Variants in LDLRAD3 observed in about 807,000 individuals in gnomAD.
The protein encoded by LDLRAD3 is low density lipoprotein receptor class A domain containing 3.
In LDLRAD3, 20 loss-of-function variants were observed where a neutral mutation model predicts 29.4. The observed-to-expected ratio is 0.68, with a 90% CI of 0.48 to 0.99. LDLRAD3 has a LOEUF of 0.99. Among genes scored for constraint, LDLRAD3 ranks in the 50% least tolerant of loss-of-function variants. The pLI is 0.00. For synonymous variants in LDLRAD3, 157 were observed against 192.7 expected, an observed-to-expected ratio of 0.81 and a Z score of 1.53; for missense variants, 420 against 454.3, an observed-to-expected ratio of 0.92 and a Z score of 0.69.
chr11:36,191,119 A>T (rs1318471118), intron 4 of LDLRAD3, among the ~76,000 whole-genome samples: 1 of 152,164 alleles, frequency 6.6e-6, no homozygotes, highest in Non-Finnish European at 1.5e-5. Flanking sequence ...AGAGAGTGAA[A>T]AGGAGCCTCT....
intron 4 of LDLRAD3, among the ~76,000 whole-genome samples, chr11:36,158,602 A>C (rs771652493): frequency 9.5e-5 from 13 of 136,266 alleles, no homozygotes; most frequent in Non-Finnish European, 2.0e-4. Flanking sequence ...TATTATATCT[A>C]CTCTCTGTCT....
intron 4 of LDLRAD3, among the ~76,000 whole-genome samples, chr11:36,143,717 G>A (rs951694100): frequency 1.3e-5 from 2 of 152,182 alleles, no homozygotes; most frequent in Non-Finnish European, 2.9e-5. Context: ...AGCACAAGGT[G>A]TCAGCAGGTC....
chr11:36,227,902 G>T (rs1855523023), intron 5 of LDLRAD3, among the ~76,000 whole-genome samples: 1 of 152,196 alleles, frequency 6.6e-6, no homozygotes, highest in African/African-American at 2.4e-5. Context: ...TCAAATGAAT[G>T]GATAAATGAA....
chr11:36,126,740 T>A (rs1052839278), intron 4 of LDLRAD3, among the ~76,000 whole-genome samples: 1 of 152,232 alleles, frequency 6.6e-6, no homozygotes, highest in African/African-American at 2.4e-5. Flanking sequence ...TGTTATTTGG[T>A]ATGTCTGTGG....
Position 36,227,196 on chromosome 11 carries a change from T to G in LDLRAD3, c.566T>G (p.Leu189Arg). ...GTCATTTTTGTGCTGGTGGTGGCCC[T>G]GCTGGCACTGGTCTTGCACCACCAG... Reference protein sequence around the residue: ...SSVIFVLVVALLALVLHHQRK... With the variant: ...SSVIFVLVVARLALVLHHQRK... The change falls in exon 5 of 6, where the codon CTG becomes CGG. Residue 189 changes from leucine to arginine, a missense_variant. Leu to Arg is a moderately radical substitution (Grantham distance 102). Around this residue, in one of 3 missense-constraint regions of LDLRAD3, gnomAD observed 56 missense variants for 92.2 expected, o/e 0.61. Transcript: ENST00000315571. The G allele has an allele frequency of 6.2e-7, 1 of 1,614,200 alleles. No individual in the cohort carries two copies. Among genetic ancestry groups the G allele is most frequent in the Non-Finnish European group, 8.5e-7 (1 of 1,180,016 alleles).
chr11:36,177,243 T>C lies in LDLRAD3; in HGVS notation c.455-49842T>C, dbSNP rs529429064. 1.1e-3 allele frequency among the ~76,000 whole-genome samples: 160 copies of C among 152,306 alleles called. 1 individual carries two copies. The highest frequency in any genetic ancestry group is 3.8e-3 in the African/African-American group (156 of 41,570). The stretch of plus-strand genomic sequence containing the variant: ...TCCTATATTACTTTTTAAATTTCTT[T>C]AAATTGGTTTTCACCTTTCTCTGGT... On this transcript the variant is annotated intron_variant, in intron 4 of 5. Transcript: ENST00000315571.
chr11:35,995,036 A>G (rs1851736595), intron 1 of LDLRAD3, among the ~76,000 whole-genome samples: 2 of 152,198 alleles, frequency 1.3e-5, no homozygotes, highest in Non-Finnish European at 2.9e-5. Flanking sequence ...GTTTCCTCCA[A>G]ACTCCTGTTG....
At chr11:36,145,640 T>A (rs1046195060) in intron 4 of LDLRAD3, among the ~76,000 whole-genome samples, 10 of 151,632 alleles carry the variant, frequency 6.6e-5, no homozygotes, top group African/African-American at 1.9e-4. Flanking sequence ...CATGGGAGAC[T>A]TTTCATTTTG....
intron 4 of LDLRAD3, among the ~76,000 whole-genome samples, chr11:36,199,371 T>C (rs1172407665): frequency 6.6e-6 from 1 of 152,270 alleles, no homozygotes; most frequent in Non-Finnish European, 1.5e-5. Context: ...AAAAGTCACC[T>C]TTATAGAAGA....
At chr11:36,203,516 A>G (rs572223418) in intron 4 of LDLRAD3, among the ~76,000 whole-genome samples, 3 of 152,192 alleles carry the variant, frequency 2.0e-5, no homozygotes, top group East Asian at 1.9e-4. Flanking sequence ...ATGGGCACCC[A>G]TCCAACAGGT....
intron 2 of LDLRAD3, among the ~76,000 whole-genome samples, chr11:36,044,566 A>G (rs1450890111): frequency 6.6e-6 from 1 of 152,106 alleles, no homozygotes; most frequent in Non-Finnish European, 1.5e-5. Flanking sequence ...TCTTAGTTTG[A>G]GAGCCTGTGC....
At chr11:35,955,274 A>G (rs1407047108) in intron 1 of LDLRAD3, among the ~76,000 whole-genome samples, 2 of 152,176 alleles carry the variant, frequency 1.3e-5, no homozygotes, top group Non-Finnish European at 2.9e-5. Context: ...AAACAGTATT[A>G]AACACATGAA....
chr11:36,016,226 G>C (rs1038898136), intron 1 of LDLRAD3, among the ~76,000 whole-genome samples: 4 of 152,222 alleles, frequency 2.6e-5, no homozygotes, highest in African/African-American at 4.8e-5. Context: ...TGTTCTAAAA[G>C]GGAATAAAAG....
intron 2 of LDLRAD3, among the ~76,000 whole-genome samples, chr11:36,040,755 GA>G (rs1852370692): frequency 2.0e-5 from 3 of 152,136 alleles, no homozygotes; most frequent in Admixed American, 2.0e-4. Flanking sequence ...ACCGACTGCC[GA>G]CTTGTTTTGC....
chr11:36,166,234 A>G (rs1327653722), intron 4 of LDLRAD3, among the ~76,000 whole-genome samples: 1 of 152,178 alleles, frequency 6.6e-6, no homozygotes, highest in Non-Finnish European at 1.5e-5. Flanking sequence ...AAATTCATAC[A>G]TATGGATCTG....
rs111666617 is a variant in LDLRAD3, at chr11:35,975,657, G to A, written c.46+31513G>A. 6.2e-3 allele frequency among the ~76,000 whole-genome samples: 943 copies of A among 152,168 alleles called. 21 individuals are homozygous for A. Among genetic ancestry groups the A allele is most frequent in the African/African-American group, 0.022 (908 of 41,492 alleles). ...GTTAAAGGAAGTTAAAAACCAAAAC[G>A]AAATAACAAACAGTATAGGCACTGG... On this transcript the variant is annotated intron_variant, in intron 1 of 5. Coordinates refer to ENST00000315571, the MANE Select transcript of LDLRAD3 (RefSeq NM_174902.4).
intron 4 of LDLRAD3, among the ~76,000 whole-genome samples, chr11:36,175,865 G>C (rs1854668511): frequency 6.6e-6 from 1 of 152,142 alleles, no homozygotes; most frequent in Non-Finnish European, 1.5e-5. Context: ...TTACTTTGCT[G>C]ACTTTCTGTC....
intron 4 of LDLRAD3, among the ~76,000 whole-genome samples, chr11:36,210,600 G>A (rs545517463): frequency 6.6e-6 from 1 of 152,218 alleles, no homozygotes; most frequent in African/African-American, 2.4e-5. Flanking sequence ...CACTGGTGTT[G>A]GAATAGAGCC....
At chr11:35,997,205 G>C (rs1207022442) in intron 1 of LDLRAD3, 1 of 281,356 alleles carries the variant, frequency 3.6e-6, no homozygotes, top group African/African-American at 2.3e-5. Flanking sequence ...ACTAGCTGGG[G>C]ATTCTACCTG....
Sources: gnomAD v4.1 joint callset for allele counts (sites outside exome capture counted in the v4.1 genomes callset) on GRCh38, gnomAD v4.1.1 for gene constraint, gnomAD v4.1.1 regional missense constraint, MANE v1.5 for transcripts, NCBI Gene and HGNC (gene_info 2026-07-23, HGNC 2026-07-21) for gene names.